APP: variants seen among roughly 807,000 people sequenced by gnomAD.
The protein encoded by APP is amyloid beta precursor protein, also known as amyloid-beta precursor protein.
APP carries 31 observed loss-of-function variants against 101.4 expected under a neutral mutation model. The ratio of observed to expected loss-of-function variants is 0.31; its 90% CI spans 0.23 to 0.41. The LOEUF (loss-of-function observed/expected upper bound fraction) is 0.41, where lower values mean the gene tolerates loss of function less well. APP is among the 10% of genes least tolerant of loss of function. The pLI is 1.00. For synonymous variants in APP, 366 were observed against 364.4 expected, an observed-to-expected ratio of 1.00 and a Z score of -0.05; for missense variants, 839 against 1,003.7, an observed-to-expected ratio of 0.84 and a Z score of 2.22.
At chr21:25,972,915 A>G (rs1256910623) in intron 11 of APP, among the ~76,000 whole-genome samples, 1 of 152,150 alleles carries the variant, frequency 6.6e-6, no homozygotes, top group Admixed American at 6.5e-5. Context: ...AGAGAGAGAG[A>G]GAGATGAAAA....
At chr21:26,089,733 A>C in intron 3 of APP, 1 of 560,920 alleles carries the variant, frequency 1.8e-6, no homozygotes, top group Non-Finnish European at 3.0e-6. Flanking sequence ...CACCCTGGGT[A>C]AATTCATTCT....
intron 13 of APP, among the ~76,000 whole-genome samples, chr21:25,928,151 T>C (rs1451769557): frequency 3.3e-5 from 5 of 151,964 alleles, no homozygotes; most frequent in Non-Finnish European, 7.4e-5. Flanking sequence ...GACACCATCC[T>C]GGCTAACGAG....
chr21:25,958,951 G>A (rs2041453595), intron 11 of APP, among the ~76,000 whole-genome samples: 1 of 151,062 alleles, frequency 6.6e-6, no homozygotes, highest in Non-Finnish European at 1.5e-5. Context: ...AAGCACAAAG[G>A]AGATTGTGGT....
intron 13 of APP, among the ~76,000 whole-genome samples, chr21:25,916,036 CAG>C (rs2039332559): frequency 1.3e-5 from 2 of 151,670 alleles, no homozygotes; most frequent in African/African-American, 4.8e-5. Flanking sequence ...TAATTCAACA[CAG>C]AAAATTTAGA....
At chr21:25,989,655 G>A (rs1245609995) in intron 8 of APP, among the ~76,000 whole-genome samples, 1 of 152,104 alleles carries the variant, frequency 6.6e-6, no homozygotes. Context: ...CAGCAGAAAA[G>A]CAATTTATCT....
chr21:25,959,401 A>C, intron 11 of APP, among the ~76,000 whole-genome samples: 1 of 152,196 alleles, frequency 6.6e-6, no homozygotes, highest in Non-Finnish European at 1.5e-5. Context: ...CCACTGCACT[A>C]CAGCCTGGGC....
chr21:25,906,166 T>G (rs960669978), intron 14 of APP, among the ~76,000 whole-genome samples: 17 of 152,140 alleles, frequency 1.1e-4, no homozygotes, highest in African/African-American at 4.1e-4. Flanking sequence ...ATGCCACATG[T>G]TAATAGAAAC....
chr21:26,131,682 G>A (rs2062800139), intron 1 of APP, among the ~76,000 whole-genome samples: 1 of 152,184 alleles, frequency 6.6e-6, no homozygotes, highest in Non-Finnish European at 1.5e-5. Flanking sequence ...ACTGACAACT[G>A]ACTTGAACTA....
At chr21:25,991,010 T>C (rs2042839024) in intron 8 of APP, among the ~76,000 whole-genome samples, 1 of 152,074 alleles carries the variant, frequency 6.6e-6, no homozygotes. Context: ...AAAATAAAAG[T>C]CTTTTGCAGC....
chr21:26,033,761 G>A (rs978806284), intron 5 of APP, among the ~76,000 whole-genome samples: 7 of 152,230 alleles, frequency 4.6e-5, no homozygotes, highest in African/African-American at 1.7e-4. Context: ...GGATGTGAAG[G>A]CGGTGCTCGT....
chr21:26,003,657 G>A (rs2043389615), intron 6 of APP, among the ~76,000 whole-genome samples: 1 of 152,240 alleles, frequency 6.6e-6, no homozygotes, highest in Non-Finnish European at 1.5e-5. Flanking sequence ...CTAAGAGACA[G>A]CTACCTTGTC....
At chr21:25,932,377 C>A (rs563083550) in intron 13 of APP, among the ~76,000 whole-genome samples, 255 of 152,164 alleles carry the variant, frequency 1.7e-3, no homozygotes, top group Middle Eastern at 3.4e-3. Flanking sequence ...TAGAGAACCA[C>A]AAATCTTGGT....
At chr21:26,104,540 C>A (rs1430516734) in intron 2 of APP, among the ~76,000 whole-genome samples, 1 of 152,110 alleles carries the variant, frequency 6.6e-6, no homozygotes, top group Non-Finnish European at 1.5e-5. Flanking sequence ...GGGTTTATAA[C>A]CAAGAGCAAA....
At chr21:25,917,842 C>T (rs2039427561) in intron 13 of APP, among the ~76,000 whole-genome samples, 2 of 152,004 alleles carry the variant, frequency 1.3e-5, no homozygotes, top group South Asian at 4.2e-4. Flanking sequence ...AGAAAAACAA[C>T]CCCATCAAAA....
intron 2 of APP, among the ~76,000 whole-genome samples, chr21:26,090,569 C>T (rs756481154): frequency 3.7e-4 from 56 of 152,050 alleles, no homozygotes; most frequent in Non-Finnish European, 5.4e-4. Context: ...TATTATTTTT[C>T]CAGGGGAGCT....
At chr21:25,888,078 G>GGTAT (rs2037457041) in intron 17 of APP, among the ~76,000 whole-genome samples, 1 of 152,076 alleles carries the variant, frequency 6.6e-6, no homozygotes, top group Non-Finnish European at 1.5e-5. Context: ...CAGGCACGAT[G>GGTAT]GTATGTAAGT....
chr21:26,073,255 A>G (rs913219344), intron 3 of APP, among the ~76,000 whole-genome samples: 6 of 150,544 alleles, frequency 4.0e-5, no homozygotes, highest in Non-Finnish European at 7.4e-5. Context: ...AATCCTAAAT[A>G]TTGCAAAAGG....
chr21:25,976,561 T>A (rs2042231434), intron 9 of APP, among the ~76,000 whole-genome samples: 1 of 152,132 alleles, frequency 6.6e-6, no homozygotes, highest in Non-Finnish European at 1.5e-5. Context: ...CTAAGACCTA[T>A]CCCCCTTTAA....
intron 11 of APP, among the ~76,000 whole-genome samples, chr21:25,960,451 G>GA (rs1229574452): frequency 3.9e-5 from 6 of 152,110 alleles, no homozygotes; most frequent in Non-Finnish European, 7.3e-5. Flanking sequence ...GTTTTGCCAG[G>GA]AAAGGCCTAG....
Sources: allele counts gnomAD v4.1 joint callset (sites outside exome capture counted in the v4.1 genomes callset), GRCh38; gene constraint gnomAD v4.1.1; transcripts MANE v1.5; gene names NCBI Gene and HGNC (gene_info 2026-07-23, HGNC 2026-07-21).